KCNMB4: variants seen among roughly 807,000 people sequenced by gnomAD.
The protein encoded by KCNMB4 is potassium calcium-activated channel subfamily M regulatory beta subunit 4, also known as calcium-activated potassium channel subunit beta-4.
Under a neutral mutation model 20.7 loss-of-function variants are expected in KCNMB4, and 3 were observed. That is an observed-to-expected ratio of 0.14 (90% CI 0.07 to 0.37). KCNMB4 has a LOEUF of 0.37. Among genes scored for constraint, KCNMB4 ranks in the 10% least tolerant of loss-of-function variants. KCNMB4 has a pLI of 1.00. For missense variants in KCNMB4, 168 were observed against 265.9 expected (o/e 0.63, Z 2.56); for synonymous variants, 110 against 113.4 (o/e 0.97, Z 0.19).
At chr12:70,414,858 G>A (rs1276393520) in intron 2 of KCNMB4, among the ~76,000 whole-genome samples, 2 of 152,050 alleles carry the variant, frequency 1.3e-5, no homozygotes, top group Non-Finnish European at 2.9e-5. Context: ...GCTTTTGACC[G>A]ATTGTTCCAG....
At chr12:70,374,605 A>G (rs1883654535) in intron 1 of KCNMB4, among the ~76,000 whole-genome samples, 1 of 152,164 alleles carries the variant, frequency 6.6e-6, no homozygotes, top group Non-Finnish European at 1.5e-5. Flanking sequence ...CATTGTGTTT[A>G]TTAAGTTATT....
At chr12:70,393,907 T>A (rs1868326771) in intron 1 of KCNMB4, among the ~76,000 whole-genome samples, 2 of 152,132 alleles carry the variant, frequency 1.3e-5, no homozygotes, top group Non-Finnish European at 2.9e-5. Flanking sequence ...CCATTTCTTC[T>A]TGGGATGTCA....
At chr12:70,405,113 A>G (rs1868562560) in intron 2 of KCNMB4, among the ~76,000 whole-genome samples, 4 of 152,224 alleles carry the variant, frequency 2.6e-5, no homozygotes, top group Admixed American at 2.0e-4. Context: ...ACAGCCTTTG[A>G]TAAGTACAGA....
intron 1 of KCNMB4, among the ~76,000 whole-genome samples, chr12:70,385,487 A>C (rs1001781764): frequency 6.6e-6 from 1 of 152,176 alleles, no homozygotes; most frequent in Non-Finnish European, 1.5e-5. Flanking sequence ...TTGATTTTGC[A>C]TAAGAGTTGG....
chr12:70,397,394 A>T (rs1255543024), intron 1 of KCNMB4, among the ~76,000 whole-genome samples: 1 of 152,220 alleles, frequency 6.6e-6, no homozygotes, highest in Non-Finnish European at 1.5e-5. Flanking sequence ...AAAAGTTGCT[A>T]GAGTATTGTT....
chr12:70,387,087 A>G (rs1593328276), intron 1 of KCNMB4, among the ~76,000 whole-genome samples: 1 of 151,704 alleles, frequency 6.6e-6, no homozygotes, highest in Non-Finnish European at 1.5e-5. Context: ...TTGTGTGTCT[A>G]TTATGCTTTA....
rs766096120 is a variant in KCNMB4, at chr12:70,373,701, G to A, written c.336+6631G>A. ...GACTTATGATTAGATATTTAAAGGC[G>A]TGGTCAGAATATCTCTTTAGAAACA... On this transcript the variant is annotated intron_variant, in intron 1 of 2. Coordinates refer to ENST00000258111, the MANE Select transcript of KCNMB4 (RefSeq NM_014505.6). Among the ~76,000 whole-genome samples, 10 of 152,192 alleles carry A rather than the reference G, an allele frequency of 6.6e-5. No homozygotes were observed. The South Asian group carries it at 1.0e-3, about 16-fold the overall frequency.
At chr12:70,399,459 C>T (rs1868397899) in intron 1 of KCNMB4, among the ~76,000 whole-genome samples, 1 of 152,180 alleles carries the variant, frequency 6.6e-6, no homozygotes, top group Non-Finnish European at 1.5e-5. Context: ...TGCTGTATTG[C>T]AAACACTCAA....
chr12:70,395,635 A>T lies in KCNMB4; in HGVS notation c.337-4574A>T, dbSNP rs529403506. On this transcript the variant is annotated intron_variant, in intron 1 of 2. Transcript: ENST00000258111. ...TGTGTGATGATACTGTCTTTTCTTA[A>T]TAAACTCATTGGAAGACTTTATGTT... Among the ~76,000 whole-genome samples the T allele has an allele frequency of 5.2e-5, 8 of 152,388 alleles. No individual in the cohort carries two copies. In the South Asian group the frequency reaches 1.7e-3, roughly 32 times the overall value.
At position 70,419,103 on chromosome 12, in the gene KCNMB4, T is replaced by TCAGA. The variant is rs796128397; in HGVS notation, c.465-11379_465-11376dup. ...AAGTCCCTTGTGTAGCCCTATATTA[T>TCAGA]CAGACATGCTATATCACAGCAAGCA... On this transcript the variant is annotated intron_variant, in intron 2 of 2. Coordinates refer to ENST00000258111, the MANE Select transcript of KCNMB4 (RefSeq NM_014505.6). 5.4e-4 allele frequency among the ~76,000 whole-genome samples: 82 copies of TCAGA among 152,328 alleles called. 1 individual carries two copies. Among genetic ancestry groups the TCAGA allele is most frequent in the African/African-American group, 1.9e-3 (77 of 41,572 alleles).
intron 2 of KCNMB4, among the ~76,000 whole-genome samples, chr12:70,416,798 C>A (rs1868924603): frequency 1.3e-5 from 2 of 152,226 alleles, no homozygotes; most frequent in South Asian, 2.1e-4. Context: ...ATGAATGATT[C>A]ATTGCTAGCC....
chr12:70,394,224 C>A (rs888465747), intron 1 of KCNMB4, among the ~76,000 whole-genome samples: 1 of 150,200 alleles, frequency 6.7e-6, no homozygotes, highest in African/African-American at 2.5e-5. Flanking sequence ...ATTCCAAGGG[C>A]AGGAGAGCTG....
chr12:70,369,975 A>T (rs1422835584), intron 1 of KCNMB4, among the ~76,000 whole-genome samples: 1 of 152,166 alleles, frequency 6.6e-6, no homozygotes, highest in East Asian at 1.9e-4. Context: ...TCTCTTGGTG[A>T]CTCACAGTTG....
chr12:70,433,645 T>C lies in KCNMB4; in HGVS notation c.*2992T>C, dbSNP rs776427812. 3.3e-5 allele frequency: 5 copies of C among 152,182 alleles called. No individual in the cohort carries two copies. Among genetic ancestry groups the C allele is most frequent in the Non-Finnish European group, 7.3e-5 (5 of 68,032 alleles). The allele number at this position is 152,182 out of a possible 1,614,324, so 9.4% of individuals were successfully genotyped here. On this transcript the variant is annotated 3_prime_UTR_variant, in exon 3 of 3. Transcript: ENST00000258111. ...ATTACTAAAGCTAAAAAGAGGGGAA[T>C]GAATACTAGAGTTAAAGACAAAAAT...
chr12:70,412,802 A>C (rs1868816646), intron 2 of KCNMB4, among the ~76,000 whole-genome samples: 1 of 152,236 alleles, frequency 6.6e-6, no homozygotes, highest in Non-Finnish European at 1.5e-5. Flanking sequence ...GAATTACTAA[A>C]TACTGTGTTT....
At chr12:70,397,569 T>A (rs866597436) in intron 1 of KCNMB4, among the ~76,000 whole-genome samples, 21 of 152,294 alleles carry the variant, frequency 1.4e-4, no homozygotes, top group Middle Eastern at 3.4e-3. Flanking sequence ...AGAATTTTTT[T>A]AAAAATCTCA....
At chr12:70,393,896 T>A (rs1232387824) in intron 1 of KCNMB4, among the ~76,000 whole-genome samples, 1 of 152,094 alleles carries the variant, frequency 6.6e-6, no homozygotes, top group African/African-American at 2.4e-5. Context: ...CTCTGTACAT[T>A]CCATTTCTTC....
intron 1 of KCNMB4, among the ~76,000 whole-genome samples, chr12:70,389,669 G>C (rs1868284445): frequency 2.0e-5 from 3 of 152,144 alleles, no homozygotes; most frequent in Admixed American, 2.0e-4. Flanking sequence ...ACTTTAGCCT[G>C]GGTGACAGAG....
chr12:70,378,498 A>G (rs1199473746), intron 1 of KCNMB4, among the ~76,000 whole-genome samples: 1 of 152,192 alleles, frequency 6.6e-6, no homozygotes, highest in Non-Finnish European at 1.5e-5. Flanking sequence ...AGGAATCACT[A>G]TAGCTACAGC....
Sources: allele counts gnomAD v4.1 joint callset (sites outside exome capture counted in the v4.1 genomes callset), GRCh38; gene constraint gnomAD v4.1.1; transcripts MANE v1.5; gene names NCBI Gene and HGNC (gene_info 2026-07-23, HGNC 2026-07-21).